The following NCAM2 variants were observed in gnomAD, a reference collection of about 807,000 sequenced individuals.
The protein encoded by NCAM2 is N-CAM-2.
In NCAM2, 30 loss-of-function variants were observed where a neutral mutation model predicts 98.1. That is an observed-to-expected ratio of 0.31 (90% CI 0.23 to 0.41). NCAM2 has a LOEUF of 0.41. Ranked by LOEUF, NCAM2 falls within the 10% of genes least tolerant of loss-of-function variation. The pLI is 1.00. For missense variants in NCAM2, 867 were observed against 1,005.8 expected, an observed-to-expected ratio of 0.86 and a Z score of 1.87; for synonymous variants, 368 against 342.4, an observed-to-expected ratio of 1.07 and a Z score of -0.83.
chr21:21,501,695 T>C (rs1171327577), intron 15 of NCAM2, among the ~76,000 whole-genome samples: 1 of 151,738 alleles, frequency 6.6e-6, no homozygotes. Flanking sequence ...CTGTCAATTC[T>C]GACCTAGATG....
intron 4 of NCAM2, among the ~76,000 whole-genome samples, chr21:21,289,329 A>G (rs1239138935): frequency 2.6e-5 from 4 of 151,982 alleles, no homozygotes; most frequent in African/African-American, 9.7e-5. Context: ...AAGAATCTAG[A>G]GGGAAAGATA....
intron 9 of NCAM2, among the ~76,000 whole-genome samples, chr21:21,406,550 T>C (rs906784284): frequency 6.6e-6 from 1 of 152,186 alleles, no homozygotes; most frequent in African/African-American, 2.4e-5. Flanking sequence ...AAAGAGGGTG[T>C]CTGTGTCACT....
chr21:21,016,084 A>T (rs1045364193), intron 1 of NCAM2, among the ~76,000 whole-genome samples: 4 of 151,856 alleles, frequency 2.6e-5, no homozygotes, highest in Non-Finnish European at 5.9e-5. Context: ...TTCCCTCAAT[A>T]CTCATTGGCT....
intron 8 of NCAM2, among the ~76,000 whole-genome samples, chr21:21,365,238 C>CGTGCGTGTGTGTGTGTGT (rs1210171656): frequency 6.8e-6 from 1 of 146,902 alleles, no homozygotes; most frequent in Non-Finnish European, 1.5e-5. Context: ...TTGCTTAGTG[C>CGTGCGTGTGTGTGTGTGT]GTGTGTGTGT....
At chr21:21,036,816 A>G (rs1273110278) in intron 1 of NCAM2, among the ~76,000 whole-genome samples, 1 of 152,182 alleles carries the variant, frequency 6.6e-6, no homozygotes, top group African/African-American at 2.4e-5. Flanking sequence ...TGCCCTCAGA[A>G]AGAATAGATG....
chr21:21,503,103 G>A lies in NCAM2; in HGVS notation c.2078-5748G>A, dbSNP rs192328560. On this transcript the variant is annotated intron_variant, in intron 15 of 17. Coordinates refer to ENST00000400546, the MANE Select transcript of NCAM2 (RefSeq NM_004540.5). The stretch of plus-strand genomic sequence containing the variant: ...TTATACAACAGAAACATGAAAAGAC[G>A]CATACAATAGTCCCTGCTTTAGCCA... Among the ~76,000 whole-genome samples, 12 of 151,806 alleles carry A rather than the reference G, an allele frequency of 7.9e-5. No homozygotes were observed. The South Asian group carries it at 8.3e-4, about 11-fold the overall frequency.
At position 21,391,300 on chromosome 21, in the gene NCAM2, A is replaced by G. The variant is rs9982590; in HGVS notation, c.1195+17287A>G. Among the ~76,000 whole-genome samples, 727 of 152,340 alleles carry G rather than the reference A, an allele frequency of 4.8e-3. 7 individuals are homozygous for G. Among genetic ancestry groups the G allele is most frequent in the Middle Eastern group, 0.024 (7 of 294 alleles). On this transcript the variant is annotated intron_variant, in intron 9 of 17. Coordinates refer to ENST00000400546, the MANE Select transcript of NCAM2 (RefSeq NM_004540.5). ...ATTGAACATACTTACAAATATTTCAATAAGTCTAGGGAACCGGAATCTACT... is the reference window on the plus strand; with the variant it reads ...ATTGAACATACTTACAAATATTTCAGTAAGTCTAGGGAACCGGAATCTACT...
chr21:21,041,974 AAC>A (rs2064915435), intron 1 of NCAM2, among the ~76,000 whole-genome samples: 1 of 152,194 alleles, frequency 6.6e-6, no homozygotes, highest in South Asian at 2.1e-4. Context: ...ACCAATTTGT[AAC>A]AGGTTGAATG....
chr21:21,335,571 C>T lies in NCAM2; in HGVS notation c.804C>T (p.Val268=), dbSNP rs575998806. 1 of 1,611,168 alleles carries T rather than the reference C, an allele frequency of 6.2e-7. No individual in the cohort carries two copies. The highest frequency in any genetic ancestry group is 1.3e-5 in the African/African-American group (1 of 74,784). The part of the protein sequence containing the change: ...ILKGSNTELT[V]RNIINSDGGP... ...AAGGGAGCAATACAGAACTCACTGT[C>T]AGGAACATAATCAATAGTGATGGTG... The change falls in exon 7 of 18, where the codon GTC becomes GTT. Residue 268 remains valine, a synonymous_variant. Transcript: ENST00000400546.
intron 1 of NCAM2, among the ~76,000 whole-genome samples, chr21:21,221,145 G>A (rs1321059312): frequency 2.6e-5 from 4 of 152,016 alleles, no homozygotes; most frequent in Admixed American, 1.3e-4. Context: ...CATATAAGAC[G>A]GTGAATCCTT....
intron 1 of NCAM2, among the ~76,000 whole-genome samples, chr21:21,264,916 A>G (rs1334346677): frequency 1.8e-4 from 23 of 126,536 alleles, no homozygotes; most frequent in African/African-American, 4.6e-4. Flanking sequence ...ATACACATAT[A>G]TTAGATATAC....
At chr21:21,317,072 C>T (rs547271402) in intron 5 of NCAM2, among the ~76,000 whole-genome samples, 1 of 152,176 alleles carries the variant, frequency 6.6e-6, no homozygotes, top group Non-Finnish European at 1.5e-5. Flanking sequence ...CAATACAAGA[C>T]ACCAAGCCCA....
At chr21:21,440,031 C>T (rs2826841) in intron 12 of NCAM2, among the ~76,000 whole-genome samples, 30,003 of 152,134 alleles carry the variant, frequency 0.2, 3,164 homozygotes, top group South Asian at 0.27. Context: ...TCATAAAGTT[C>T]TGCGTTAGGG....
chr21:21,278,806 T>G (rs2072824508), intron 1 of NCAM2, among the ~76,000 whole-genome samples: 2 of 152,200 alleles, frequency 1.3e-5, no homozygotes, highest in African/African-American at 2.4e-5. Flanking sequence ...ATTTATTTTT[T>G]TTGGTAAATA....
chr21:21,356,987 CAATAAATA>C (rs56359248), intron 8 of NCAM2, among the ~76,000 whole-genome samples: 32,559 of 144,942 alleles, frequency 0.22, 3,848 homozygotes, highest in East Asian at 0.29. Flanking sequence ...GAAACTCCAT[CAATAAATA>C]AATAAATAAA....
In NCAM2 at chr21:21,255,289, A is replaced by G. The variant is rs757265100; in HGVS notation, c.56-25289A>G. Among the ~76,000 whole-genome samples, 10 of 152,116 alleles carry G rather than the reference A, an allele frequency of 6.6e-5. 1 individual carries two copies. Among genetic ancestry groups the G allele is most frequent in the Non-Finnish European group, 1.3e-4 (9 of 68,022 alleles). ...CAGACATCCCTGTGAGCTGTGCTCTATTTATTGAAGAGACTGAAATGTGCT... is the reference window on the plus strand; with the variant it reads ...CAGACATCCCTGTGAGCTGTGCTCTGTTTATTGAAGAGACTGAAATGTGCT... On this transcript the variant is annotated intron_variant, in intron 1 of 17. Transcript: ENST00000400546.
intron 8 of NCAM2, among the ~76,000 whole-genome samples, chr21:21,349,735 C>A (rs2075284400): frequency 6.6e-6 from 1 of 152,128 alleles, no homozygotes; most frequent in Admixed American, 6.6e-5. Context: ...GGGTACTATT[C>A]AGCCCTAAAA....
chr21:21,136,611 GCCACCAC>G (rs2067056553), intron 1 of NCAM2, among the ~76,000 whole-genome samples: 1 of 147,520 alleles, frequency 6.8e-6, no homozygotes, highest in African/African-American at 2.5e-5. Flanking sequence ...ATAGGTGCAG[GCCACCAC>G]GCCTGTTTTT....
At chr21:21,274,863 G>T (rs149690032) in intron 1 of NCAM2, among the ~76,000 whole-genome samples, 1 of 152,082 alleles carries the variant, frequency 6.6e-6, no homozygotes, top group Non-Finnish European at 1.5e-5. Flanking sequence ...TTAGAAGGCT[G>T]GTTCAGTTGT....
Sources: gnomAD v4.1 joint callset for allele counts (sites outside exome capture counted in the v4.1 genomes callset) on GRCh38, gnomAD v4.1.1 for gene constraint, MANE v1.5 for transcripts, NCBI Gene and HGNC (gene_info 2026-07-23, HGNC 2026-07-21) for gene names.